NOXA1: variants seen among roughly 807,000 people sequenced by gnomAD.
NOXA1 encodes NCF2-like protein.
A neutral mutation model predicts 64.8 loss-of-function variants in NOXA1; 56 were observed. The ratio of observed to expected loss-of-function variants is 0.86; its 90% CI spans 0.70 to 1.08. NOXA1 has a LOEUF of 1.08. Among genes scored for constraint, NOXA1 ranks in the 50% least tolerant of loss-of-function variants. The pLI is 0.00. For missense variants in NOXA1, 668 were observed against 658.5 expected (o/e 1.01, Z -0.16); for synonymous variants, 295 against 294.8 (o/e 1.00, Z -0.01).
chr9:137,423,933 C>G (rs1196157368), intron 1 of NOXA1, among the ~76,000 whole-genome samples: 1 of 152,176 alleles, frequency 6.6e-6, no homozygotes, highest in Non-Finnish European at 1.5e-5. Context: ...GTGACTCACA[C>G]CGGGAAGGGG....
rs374540502 is a variant in NOXA1, at chr9:137,430,143, T to TG, written c.613-634dup. Among the ~76,000 whole-genome samples the TG allele has an allele frequency of 6.0e-3, 655 of 109,242 alleles. 24 individuals are homozygous for TG. The highest frequency in any genetic ancestry group is 0.022 in the African/African-American group (600 of 26,988). The allele number at this position is 109,242 out of a possible 152,430, so 71.7% of individuals were successfully genotyped here. A position where few individuals can be genotyped will look rare whatever the true frequency, so the allele number is the denominator to read the frequency against. On this transcript the variant is annotated intron_variant, in intron 5 of 13. Coordinates refer to ENST00000683555, the MANE Select transcript of NOXA1 (RefSeq NM_001256067.2). ...TCCCTGCCACAGATAGCGAGGTCCC[T>TG]GGGGGGGTCCCTGTGTCCCTGCCAC...
chr9:137,434,324 C>T lies in NOXA1; in HGVS notation c.1395C>T (p.Gly465=). ...PAGPRMSGAP[G]RLPRSQQGDQ... ...GCCCTCGGATGTCAGGAGCCCCCGG[C>T]CGCCTGCCCCGATCCCAGCAGGGAG... Residue 465 remains glycine, a synonymous_variant, in exon 14 of 14, where the codon GGC becomes GGT. Transcript: ENST00000683555. 6.2e-7 allele frequency: 1 copy of T among 1,607,140 alleles called. No individual in the cohort carries two copies.
intron 11 of NOXA1, 61 bp from the exon 12 acceptor site, chr9:137,433,689 A>T: frequency 6.7e-7 from 1 of 1,498,830 alleles, no homozygotes; most frequent in Non-Finnish European, 9.0e-7. Context: ...GGGGTGGCAG[A>T]GGTCACTGCC....
In NOXA1 at chr9:137,431,738, G is replaced by C. The variant is rs1404287340; in HGVS notation, c.804+397G>C. 6.6e-6 allele frequency among the ~76,000 whole-genome samples: 1 copy of C among 152,128 alleles called. No homozygotes were observed. The highest frequency in any genetic ancestry group is 1.5e-5 in the Non-Finnish European group (1 of 67,980). ...GGCCCCAAGGCTCCCGCCCCCCATG[G>C]GGGCCCAGCAGCGACTCCATCCCCC... On this transcript the variant is annotated intron_variant, in intron 8 of 13. Coordinates refer to ENST00000683555, the MANE Select transcript of NOXA1 (RefSeq NM_001256067.2). This position sits in a 1 kb window ranked among gnomAD's most constrained non-coding sequence, Gnocchi z 5.6.
chr9:137,429,343 T>C lies in NOXA1; in HGVS notation c.572T>C (p.Leu191Pro), dbSNP rs979274629. ...GEVFRPHRWH[L>P]KHLEPVDFLG... ...GTCTTCCGGCCCCACCGGTGGCACC[T>C]GAAGCACTTGGAGCCCGTGGATTTC... Residue 191 changes from leucine (L) to proline (P), a missense_variant, in exon 5 of 14, where the codon CTG (leucine) becomes CCG (proline). Physicochemically the swap from Leu to Pro is moderately conservative, Grantham distance 98. Coordinates refer to ENST00000683555, the MANE Select transcript of NOXA1 (RefSeq NM_001256067.2). 1.3e-6 allele frequency: 2 copies of C among 1,585,264 alleles called. No individual in the cohort carries two copies. Among genetic ancestry groups the C allele is most frequent in the South Asian group, 1.2e-5 (1 of 86,556 alleles).
At chr9:137,424,822 C>A (rs923394863) in intron 1 of NOXA1, among the ~76,000 whole-genome samples, 1 of 152,158 alleles carries the variant, frequency 6.6e-6, no homozygotes, top group East Asian at 1.9e-4. Flanking sequence ...ATCCTATGTC[C>A]GGGGCTAACC....
chr9:137,426,108 C>T, intron 1 of NOXA1, 140 bp from the exon 2 acceptor site: 1 of 747,386 alleles, frequency 1.3e-6, no homozygotes, highest in Non-Finnish European at 2.3e-6. Flanking sequence ...CCGAAGGTTC[C>T]TGGACAGGAG....
At position 137,434,071 on chromosome 9, in the gene NOXA1, TGTGTGAAGGTAG is replaced by T; in HGVS notation, c.1288_1294+5del. ...CGACAGGGGGACACGGTGGACGTCC[TGTGTGAAGGTAG>T]GGTGGGCATGGCCCTTCCCAGGCAG... is the stretch of plus-strand genomic sequence containing the variant. On this transcript the variant is annotated splice_donor_variant and splice_donor_region_variant and coding_sequence_variant and intron_variant, in exon 13 of 14. Coordinates refer to ENST00000683555, the MANE Select transcript of NOXA1 (RefSeq NM_001256067.2). LOFTEE classifies it high-confidence loss of function. 1 of 1,582,230 alleles carries T rather than the reference TGTGTGAAGGTAG, an allele frequency of 6.3e-7. No individual in the cohort carries two copies. The highest frequency in any genetic ancestry group is 8.6e-7 in the Non-Finnish European group (1 of 1,168,948).
Position 137,431,363 on chromosome 9 carries a change from C to G in NOXA1, c.804+22C>G, listed in dbSNP as rs1332721841. Reference sequence around the variant, plus strand: ...GCAGGTGCGTGGGCCTGGGCCTCTTCCCCTGCTGGGGGTCGGTGCTTCTGC... The same window carrying G: ...GCAGGTGCGTGGGCCTGGGCCTCTTGCCCTGCTGGGGGTCGGTGCTTCTGC... On this transcript the variant is annotated intron_variant, in intron 8 of 13. Coordinates refer to ENST00000683555, the MANE Select transcript of NOXA1 (RefSeq NM_001256067.2). The surrounding 1 kb of genome is among the most constrained non-coding windows in gnomAD (Gnocchi z 5.6). 1 of 1,588,912 alleles carries G rather than the reference C, an allele frequency of 6.3e-7. No homozygotes were observed. Among genetic ancestry groups the G allele is most frequent in the African/African-American group, 1.3e-5 (1 of 74,722 alleles).
At chr9:137,423,781 C>A in intron 1 of NOXA1, 75 bp downstream of exon 1, 1 of 1,148,420 alleles carries the variant, frequency 8.7e-7, no homozygotes, top group Non-Finnish European at 1.1e-6. Context: ...AGCGCCCCTC[C>A]CCGACCGTCA....
chr9:137,427,209 A>C (rs753110252), intron 2 of NOXA1, among the ~76,000 whole-genome samples: 2 of 152,230 alleles, frequency 1.3e-5, no homozygotes, highest in Non-Finnish European at 1.5e-5. Context: ...GCACAAATTC[A>C]TGCACGCTAG....
chr9:137,429,551 C>T (rs1838999764), intron 5 of NOXA1, among the ~76,000 whole-genome samples, 168 bp downstream of exon 5: 1 of 152,136 alleles, frequency 6.6e-6, no homozygotes, highest in African/African-American at 2.4e-5. Context: ...GGGCGGTGCC[C>T]CAAATGGGGC....
chr9:137,429,961 A>G (rs1235299630), intron 5 of NOXA1, among the ~76,000 whole-genome samples: 5 of 113,934 alleles, frequency 4.4e-5, no homozygotes, highest in Non-Finnish European at 8.4e-5. Flanking sequence ...TCCCTGCCAC[A>G]GACAGCGAGG....
chr9:137,430,987 C>T (rs1839084158), intron 6 of NOXA1, 88 bp from the exon 7 acceptor site: 2 of 1,603,166 alleles, frequency 1.2e-6, no homozygotes, highest in African/African-American at 2.7e-5. Flanking sequence ...CTGTGTAAGA[C>T]CTGGGGAAAC....
Position 137,432,236 on chromosome 9 carries a change from T to G in NOXA1, c.805-793T>G, listed in dbSNP as rs553944848. Among the ~76,000 whole-genome samples, 68 of 138,208 alleles carry G rather than the reference T, an allele frequency of 4.9e-4. 1 individual carries two copies. Among genetic ancestry groups the G allele is most frequent in the African/African-American group, 1.8e-3 (66 of 36,240 alleles). 90.7% of individuals were successfully genotyped at this position (138,208 alleles called of 152,430 possible). On this transcript the variant is annotated intron_variant, in intron 8 of 13. Coordinates refer to ENST00000683555, the MANE Select transcript of NOXA1 (RefSeq NM_001256067.2). Reference sequence around the variant, plus strand: ...TGGAGGCTGCAGTGAGCCATGACAGTGCCACTCCACTCCGGCCTGGGCAAG... The same window carrying G: ...TGGAGGCTGCAGTGAGCCATGACAGGGCCACTCCACTCCGGCCTGGGCAAG...
chr9:137,429,019 G>A lies in NOXA1; in HGVS notation c.504+3G>A, dbSNP rs1341561951. 3.2e-6 allele frequency: 5 copies of A among 1,552,298 alleles called. No homozygotes were observed. The highest frequency in any genetic ancestry group is 2.7e-5 in the African/African-American group (2 of 73,356). ...ACTCAGCCCTGGACCAAGTGCAGGT[G>A]AGGAGTGCCAGCCCGGTCATGGTTT... On this transcript the variant is annotated splice_donor_region_variant and intron_variant, in intron 4 of 13. Coordinates refer to ENST00000683555, the MANE Select transcript of NOXA1 (RefSeq NM_001256067.2).
chr9:137,430,428 C>A (rs962359443), intron 5 of NOXA1, among the ~76,000 whole-genome samples: 3 of 152,228 alleles, frequency 2.0e-5, no homozygotes, highest in South Asian at 2.1e-4. Context: ...CGCTGCGCCA[C>A]GGCCGACTCC....
intron 2 of NOXA1, among the ~76,000 whole-genome samples, chr9:137,427,365 G>A (rs947879072): frequency 6.6e-6 from 1 of 152,170 alleles, no homozygotes; most frequent in African/African-American, 2.4e-5. Flanking sequence ...ACACCAAGAT[G>A]AACAACCCAC....
At chr9:137,425,799 G>C (rs1218963532) in intron 1 of NOXA1, among the ~76,000 whole-genome samples, 1 of 151,684 alleles carries the variant, frequency 6.6e-6, no homozygotes, top group African/African-American at 2.4e-5. Flanking sequence ...CTTGAACCCA[G>C]AGGCGGAGGC....
Sources: allele counts gnomAD v4.1 joint callset (sites outside exome capture counted in the v4.1 genomes callset), GRCh38; gene constraint gnomAD v4.1.1; non-coding constraint Gnocchi (gnomAD v3.1); transcripts MANE v1.5; gene names NCBI Gene and HGNC (gene_info 2026-07-23, HGNC 2026-07-21).